The following ROBO2 variants were observed in gnomAD, a reference collection of about 807,000 sequenced individuals.
The protein encoded by ROBO2 is roundabout guidance receptor 2, also known as roundabout homolog 2.
Under a neutral mutation model 160.8 loss-of-function variants are expected in ROBO2, and 53 were observed. That is an observed-to-expected ratio of 0.33 (90% CI 0.26 to 0.41). ROBO2 has a LOEUF of 0.41. Ranked by LOEUF, ROBO2 falls within the 10% of genes least tolerant of loss-of-function variation. The pLI is 1.00. For missense variants in ROBO2, 1,577 were observed against 1,722.4 expected, an observed-to-expected ratio of 0.92 and a Z score of 1.49; for synonymous variants, 664 against 611.7, an observed-to-expected ratio of 1.09 and a Z score of -1.26.
chr3:76,428,948 C>T (rs1163702159), intron 2 of ROBO2, among the ~76,000 whole-genome samples: 1 of 152,148 alleles, frequency 6.6e-6, no homozygotes, highest in Non-Finnish European at 1.5e-5. Context: ...CGTCTCTAGG[C>T]CATAAATTTC....
intron 2 of ROBO2, among the ~76,000 whole-genome samples, chr3:76,116,876 G>T (rs1434638480): frequency 6.6e-6 from 1 of 151,950 alleles, no homozygotes; most frequent in Non-Finnish European, 1.5e-5. Context: ...AAAAGCAGAA[G>T]CTTTTCTTGC....
chr3:76,955,153 T>C (rs2079169872), intron 2 of ROBO2, among the ~76,000 whole-genome samples: 1 of 152,230 alleles, frequency 6.6e-6, no homozygotes, highest in African/African-American at 2.4e-5. Flanking sequence ...ATTGTTTCAC[T>C]TAGAATAATG....
chr3:77,309,002 C>T (rs1187509020), intron 2 of ROBO2, among the ~76,000 whole-genome samples: 1 of 151,532 alleles, frequency 6.6e-6, no homozygotes, highest in Non-Finnish European at 1.5e-5. Flanking sequence ...GATTCTAATT[C>T]TGACTCTACT....
chr3:77,537,104 G>GGA lies in ROBO2; in HGVS notation c.935-9233_935-9232insAG, dbSNP rs370498012. On this transcript the variant is annotated intron_variant, in intron 6 of 25. Coordinates refer to ENST00000461745, the Ensembl canonical transcript of ROBO2. ...TAAAACATATACATATTTTGTGGGG[G>GGA]GGGGGTGTATTACACTTACCAAAAT... is the stretch of plus-strand genomic sequence containing the variant. Among the ~76,000 whole-genome samples the GGA allele has an allele frequency of 2.1e-5, 3 of 143,460 alleles. No individual in the cohort carries two copies. In the Admixed American group the frequency reaches 2.1e-4, roughly 10 times the overall value. The allele number at this position is 143,460 out of a possible 152,430, so 94.1% of individuals were successfully genotyped here. A position where few individuals can be genotyped will look rare whatever the true frequency, so the allele number is the denominator to read the frequency against.
At chr3:77,432,310 A>T (rs1226575670) in intron 2 of ROBO2, among the ~76,000 whole-genome samples, 1 of 152,210 alleles carries the variant, frequency 6.6e-6, no homozygotes, top group East Asian at 1.9e-4. Flanking sequence ...TGAATTCTGT[A>T]TGGGTAATAC....
chr3:76,496,791 A>G (rs567627654), intron 2 of ROBO2, among the ~76,000 whole-genome samples: 7 of 152,200 alleles, frequency 4.6e-5, no homozygotes, highest in Non-Finnish European at 8.8e-5. Flanking sequence ...CCTATTTTCC[A>G]GATATGTCCA....
intron 2 of ROBO2, among the ~76,000 whole-genome samples, chr3:76,148,975 TCA>T (rs1429209179): frequency 6.6e-6 from 1 of 152,114 alleles, no homozygotes; most frequent in Non-Finnish European, 1.5e-5. Context: ...TTTATCTCTC[TCA>T]GTCCTGAGCT....
chr3:76,249,467 C>G (rs1329768332), intron 2 of ROBO2, among the ~76,000 whole-genome samples: 1 of 152,102 alleles, frequency 6.6e-6, no homozygotes, highest in Admixed American at 6.6e-5. Context: ...GAGCCAGATT[C>G]TATCTTTAAT....
chr3:76,218,839 G>C (rs551455507), intron 2 of ROBO2, among the ~76,000 whole-genome samples: 1 of 152,230 alleles, frequency 6.6e-6, no homozygotes, highest in Non-Finnish European at 1.5e-5. Context: ...GAACCAAAAA[G>C]AGCCCACATC....
At position 76,550,842 on chromosome 3, in the gene ROBO2, T is replaced by C. The variant is rs538835674; in HGVS notation, c.110-547172T>C. ...TGCTGCCTCAGCCTTCTTCAGACTT[T>C]GGTCACTGAAGAGCATGGGAGGGAT... On this transcript the variant is annotated intron_variant, in intron 2 of 26. Coordinates refer to the ROBO2 transcript ENST00000487694. Among the ~76,000 whole-genome samples the C allele has an allele frequency of 1.0e-3, 155 of 152,296 alleles. 1 individual carries two copies. The highest frequency in any genetic ancestry group is 3.6e-3 in the African/African-American group (150 of 41,582).
At position 76,244,780 on chromosome 3, in the gene ROBO2, C is replaced by T. The variant is rs144349859; in HGVS notation, c.109+307178C>T. Among the ~76,000 whole-genome samples the T allele has an allele frequency of 7.4e-3, 1,126 of 152,122 alleles. 9 individuals carry two copies. The highest frequency in any genetic ancestry group is 0.024 in the African/African-American group (992 of 41,504). On this transcript the variant is annotated intron_variant, in intron 2 of 26. Transcript: ENST00000487694. ...GGTAAAATGGGTGTGTTAGAATAGA[C>T]AATACTGAAGGTCTTTTCTAATTAC...
intron 2 of ROBO2, among the ~76,000 whole-genome samples, chr3:77,271,200 A>T (rs2059470382): frequency 6.6e-6 from 1 of 152,200 alleles, no homozygotes; most frequent in African/African-American, 2.4e-5. Flanking sequence ...GAATGATAAC[A>T]TTGAATAATA....
chr3:76,499,007 T>C (rs2080315073), intron 2 of ROBO2, among the ~76,000 whole-genome samples: 1 of 152,276 alleles, frequency 6.6e-6, no homozygotes, highest in Admixed American at 6.5e-5. Flanking sequence ...TTTTAATGCA[T>C]GAGTCTGTAT....
chr3:77,116,185 G>A (rs773837725), intron 2 of ROBO2, among the ~76,000 whole-genome samples: 9 of 152,144 alleles, frequency 5.9e-5, no homozygotes, highest in Admixed American at 1.3e-4. Flanking sequence ...TCCTCAGTTC[G>A]CTCCATTCCT....
intron 2 of ROBO2, among the ~76,000 whole-genome samples, chr3:76,077,762 A>G (rs1222015207): frequency 6.6e-6 from 1 of 152,206 alleles, no homozygotes; most frequent in Non-Finnish European, 1.5e-5. Context: ...ATGGATAAAC[A>G]TTAAAATACA....
intron 2 of ROBO2, among the ~76,000 whole-genome samples, chr3:76,465,998 G>GGTGGGTGT (rs1553763873): frequency 3.4e-5 from 5 of 147,566 alleles, no homozygotes; most frequent in African/African-American, 1.2e-4. Flanking sequence ...ATAAAATATG[G>GGTGGGTGT]GTGTGTGTGT....
At chr3:76,363,448 G>A (rs548416878) in intron 2 of ROBO2, among the ~76,000 whole-genome samples, 1 of 152,006 alleles carries the variant, frequency 6.6e-6, no homozygotes, top group Non-Finnish European at 1.5e-5. Flanking sequence ...TTATCTAAAG[G>A]ATATCGTAAC....
At chr3:76,799,320 A>T (rs1049008623) in intron 2 of ROBO2, among the ~76,000 whole-genome samples, 1 of 152,216 alleles carries the variant, frequency 6.6e-6, no homozygotes, top group Non-Finnish European at 1.5e-5. Context: ...ATCTTGAACA[A>T]GGCAAGGATG....
At chr3:76,427,037 A>G (rs1395184971) in intron 2 of ROBO2, among the ~76,000 whole-genome samples, 3 of 152,154 alleles carry the variant, frequency 2.0e-5, no homozygotes, top group Non-Finnish European at 2.9e-5. Context: ...GTGCTAACAT[A>G]TATTTTCCTA....
Sources: gnomAD v4.1 joint callset for allele counts (sites outside exome capture counted in the v4.1 genomes callset) on GRCh38, gnomAD v4.1.1 for gene constraint, MANE v1.5 for transcripts, NCBI Gene and HGNC (gene_info 2026-07-23, HGNC 2026-07-21) for gene names.